Variants in SLC6A17 observed in about 807,000 individuals in gnomAD.
The protein encoded by SLC6A17 is solute carrier family 6 member 17, also known as sodium-dependent neutral amino acid transporter SLC6A17.
In SLC6A17, 21 loss-of-function variants were observed where a neutral mutation model predicts 64.5. That is an observed-to-expected ratio of 0.33 (90% CI 0.23 to 0.47). The LOEUF (loss-of-function observed/expected upper bound fraction) is 0.47. SLC6A17 is among the 20% of genes least tolerant of loss of function. The pLI is 1.00. For missense variants in SLC6A17, 682 were observed against 963.2 expected (o/e 0.71, Z 3.86); for synonymous variants, 372 against 399.5 (o/e 0.93, Z 0.82).
intron 3 of SLC6A17, 59 bp from the exon 4 acceptor site, chr1:110,173,914 G>A (rs1224206415): frequency 8.8e-6 from 14 of 1,590,564 alleles, no homozygotes; most frequent in South Asian, 4.6e-5. Flanking sequence ...CGGGTGGAGC[G>A]TGGGGGCAGG....
intron 6 of SLC6A17, among the ~76,000 whole-genome samples, chr1:110,187,412 G>A (rs757017810): frequency 4.6e-5 from 7 of 152,176 alleles, no homozygotes; most frequent in Admixed American, 6.5e-5. Flanking sequence ...AAGTTGGTTC[G>A]AGCAGTTGAC....
At position 110,192,406 on chromosome 1, in the gene SLC6A17, C is replaced by T. The variant is rs572240606; in HGVS notation, c.1107-100C>T. 1.0e-4 allele frequency: 151 copies of T among 1,480,568 alleles called. No individual in the cohort carries two copies. The African/African-American group carries it at 2.0e-3, about 20-fold the overall frequency. The allele number at this position is 1,480,568 out of a possible 1,614,324, so 91.7% of individuals were successfully genotyped here. A position where few individuals can be genotyped will look rare whatever the true frequency, so the allele number is the denominator to read the frequency against. On this transcript the variant is annotated intron_variant, in intron 7 of 11. Transcript: ENST00000331565. The surrounding 1 kb of genome is among the most constrained non-coding windows in gnomAD (Gnocchi z 4.3). ...AGCTCAGAGATGCCTCTGTCAGTGA[C>T]CCATGAGGTTCCCACCTGGGTGCCT... is the stretch of plus-strand genomic sequence containing the variant.
chr1:110,168,731 T>C (rs1193988276), intron 2 of SLC6A17, among the ~76,000 whole-genome samples: 1 of 152,242 alleles, frequency 6.6e-6, no homozygotes, highest in Non-Finnish European at 1.5e-5. Context: ...AACCTTGTTC[T>C]TTCTAGCTTA....
chr1:110,150,910 G>C (rs565696880), intron 1 of SLC6A17, 27 bp downstream of exon 1: 1 of 152,348 alleles, frequency 6.6e-6, no homozygotes, highest in East Asian at 1.9e-4. Context: ...GCCCCGCCTG[G>C]CTTTACCGGG....
intron 6 of SLC6A17, among the ~76,000 whole-genome samples, chr1:110,191,100 G>A (rs1456369780): frequency 1.3e-5 from 2 of 152,112 alleles, no homozygotes; most frequent in Non-Finnish European, 2.9e-5. Context: ...CGTTCACTCC[G>A]AGACTCTATT....
chr1:110,163,503 G>A (rs1364134021), intron 1 of SLC6A17, among the ~76,000 whole-genome samples: 1 of 152,154 alleles, frequency 6.6e-6, no homozygotes, highest in African/African-American at 2.4e-5. Flanking sequence ...CTCTGTGTGC[G>A]GCTGCTCATT....
intron 1 of SLC6A17, among the ~76,000 whole-genome samples, chr1:110,158,408 G>GTCCC (rs1380486938): frequency 6.6e-6 from 1 of 152,210 alleles, no homozygotes; most frequent in Admixed American, 6.5e-5. Flanking sequence ...GCACGTGCAT[G>GTCCC]TCCCACCCAG....
chr1:110,160,827 C>A (rs1655886361), intron 1 of SLC6A17, among the ~76,000 whole-genome samples: 4 of 152,136 alleles, frequency 2.6e-5, no homozygotes, highest in Non-Finnish European at 5.9e-5. Context: ...CCTTGGGCTC[C>A]CTTCAGTAGG....
At chr1:110,154,774 G>T (rs950101541) in intron 1 of SLC6A17, among the ~76,000 whole-genome samples, 1 of 152,282 alleles carries the variant, frequency 6.6e-6, no homozygotes, top group South Asian at 2.1e-4. Context: ...ATGGGAGCTT[G>T]GTGGGTCAGA....
chr1:110,168,113 C>A (rs1433567444), intron 2 of SLC6A17: 1 of 152,226 alleles, frequency 6.6e-6, no homozygotes, highest in East Asian at 1.9e-4. Flanking sequence ...AAGAAAACCC[C>A]AATAGGCTGG....
chr1:110,188,780 C>T, intron 6 of SLC6A17, among the ~76,000 whole-genome samples: 1 of 152,238 alleles, frequency 6.6e-6, no homozygotes, highest in Admixed American at 6.5e-5. Flanking sequence ...TACTGCCCTT[C>T]TCCTGATCCG....
chr1:110,196,582 G>A lies in SLC6A17; in HGVS notation c.1652+837G>A, dbSNP rs879360992. 3.3e-5 allele frequency among the ~76,000 whole-genome samples: 5 copies of A among 152,138 alleles called. 1 individual carries two copies. Among genetic ancestry groups the A allele is most frequent in the Admixed American group, 2.0e-4 (3 of 15,268 alleles). Reference sequence around the variant, plus strand: ...TGATTTTTGTGTCCTGGACTCCTTCGGCAGTCTGGTGATGTCCCTGTATGT... The same window carrying A: ...TGATTTTTGTGTCCTGGACTCCTTCAGCAGTCTGGTGATGTCCCTGTATGT... On this transcript the variant is annotated intron_variant, in intron 10 of 11. Coordinates refer to ENST00000331565, the MANE Select transcript of SLC6A17 (RefSeq NM_001010898.4).
intron 1 of SLC6A17, among the ~76,000 whole-genome samples, chr1:110,162,334 C>CT (rs1342148664): frequency 6.6e-6 from 1 of 152,246 alleles, no homozygotes; most frequent in Non-Finnish European, 1.5e-5. Context: ...GGGCAGGTGG[C>CT]TTCTTGCTCA....
intron 6 of SLC6A17, among the ~76,000 whole-genome samples, chr1:110,183,344 G>A (rs1656582252): frequency 6.6e-6 from 1 of 152,196 alleles, no homozygotes; most frequent in Non-Finnish European, 1.5e-5. Flanking sequence ...AAAACTTTAA[G>A]CTAAATGAAA....
Position 110,192,418 on chromosome 1 carries a change from C to A in SLC6A17, c.1107-88C>A. On this transcript the variant is annotated intron_variant, in intron 7 of 11. Coordinates refer to ENST00000331565, the MANE Select transcript of SLC6A17 (RefSeq NM_001010898.4). This position sits in a 1 kb window ranked among gnomAD's most constrained non-coding sequence, Gnocchi z 4.3. ...CCTCTGTCAGTGACCCATGAGGTTC[C>A]CACCTGGGTGCCTGGGAAGAGCCTC... is the stretch of plus-strand genomic sequence containing the variant. The A allele has an allele frequency of 6.6e-7, 1 of 1,507,486 alleles. No individual in the cohort carries two copies. Among genetic ancestry groups the A allele is most frequent in the Non-Finnish European group, 9.0e-7 (1 of 1,115,008 alleles). The allele number at this position is 1,507,486 out of a possible 1,614,324, so 93.4% of individuals were successfully genotyped here. A position where few individuals can be genotyped will look rare whatever the true frequency, so the allele number is the denominator to read the frequency against.
At chr1:110,194,440 A>G (rs970056925) in intron 8 of SLC6A17, 139 bp from the exon 9 acceptor site, 1 of 918,872 alleles carries the variant, frequency 1.1e-6, no homozygotes, top group African/African-American at 1.7e-5. Flanking sequence ...GGCCAAAATC[A>G]ACAGGATTTA....
Position 110,150,767 on chromosome 1 carries a change from C to G in SLC6A17, c.-204C>G, listed in dbSNP as rs1655574929. On this transcript the variant is annotated 5_prime_UTR_variant, in exon 1 of 12. Coordinates refer to ENST00000331565, the MANE Select transcript of SLC6A17 (RefSeq NM_001010898.4). ...GGCGCGCAGCTCCGGGTCGCCCCAG[C>G]CCCAGCCGGGGGCCTGTGGCCCGGG... 6.6e-6 allele frequency: 1 copy of G among 152,218 alleles called. No individual in the cohort carries two copies. Among genetic ancestry groups the G allele is most frequent in the Non-Finnish European group, 1.5e-5 (1 of 68,054 alleles). The allele number at this position is 152,218 out of a possible 1,614,324, so 9.4% of individuals were successfully genotyped here.
At chr1:110,188,741 C>G (rs1656750540) in intron 6 of SLC6A17, among the ~76,000 whole-genome samples, 1 of 152,180 alleles carries the variant, frequency 6.6e-6, no homozygotes, top group Non-Finnish European at 1.5e-5. Flanking sequence ...AAAATGCAAC[C>G]CTTTGTTGAT....
intron 6 of SLC6A17, among the ~76,000 whole-genome samples, chr1:110,184,258 G>A (rs982692387): frequency 6.6e-6 from 1 of 152,100 alleles, no homozygotes; most frequent in African/African-American, 2.4e-5. Context: ...CTACAGGCAT[G>A]TGCCACAATG....
Sources: gnomAD v4.1 joint callset for allele counts (sites outside exome capture counted in the v4.1 genomes callset) on GRCh38, gnomAD v4.1.1 for gene constraint, Gnocchi (gnomAD v3.1) non-coding constraint, MANE v1.5 for transcripts, NCBI Gene and HGNC (gene_info 2026-07-23, HGNC 2026-07-21) for gene names.